PLPPR4: variants seen among roughly 807,000 people sequenced by gnomAD.
PLPPR4 encodes the protein phospholipid phosphatase-related protein type 4.
PLPPR4 carries 24 observed loss-of-function variants against 56.6 expected under a neutral mutation model. The ratio of observed to expected loss-of-function variants is 0.42; its 90% confidence interval spans 0.31 to 0.60. The LOEUF is 0.60. Among genes scored for constraint, PLPPR4 ranks in the 20% least tolerant of loss-of-function variants. The pLI, the probability that PLPPR4 is intolerant of heterozygous loss-of-function variation, is 0.13. For synonymous variants in PLPPR4, 326 were observed against 328.1 expected (o/e 0.99, Z 0.07); for missense variants, 654 against 885.8 (o/e 0.74, Z 3.32).
rs1381846249 is a variant in PLPPR4 at position 99,306,153 on chromosome 1, A to T, written c.1291A>T (p.Met431Leu). ...GCAGTCACCACCCAGATCCATAGAA[A>T]TGAGGTCAAGCTCAGAGCCATCGAG... is the stretch of plus-strand genomic sequence containing the variant. ...PGQSPPRSIE[M>L]RSSSEPSRVG... Residue 431 changes from methionine (M) to leucine (L), a missense_variant, in exon 7 of 7, where the codon ATG (methionine) becomes TTG (leucine). Physicochemically the swap from Met to Leu is conservative, Grantham distance 15 (BLOSUM62 2). Around this residue, in one of 2 missense-constraint regions of PLPPR4, gnomAD observed 468 missense variants for 554.3 expected, o/e 0.84. Coordinates refer to ENST00000370185, the MANE Select transcript of PLPPR4 (RefSeq NM_014839.5). The surrounding 1 kb of genome is among the most constrained non-coding windows in gnomAD (Gnocchi z 4.0). 1 of 1,614,142 alleles carries T rather than the reference A, an allele frequency of 6.2e-7. No individual in the cohort carries two copies. The highest frequency in any genetic ancestry group is 1.3e-5 in the African/African-American group (1 of 75,052).
At chr1:99,276,593 C>T (rs1659190707) in intron 1 of PLPPR4, among the ~76,000 whole-genome samples, 1 of 151,850 alleles carries the variant, frequency 6.6e-6, no homozygotes, top group Non-Finnish European at 1.5e-5. Context: ...AACTCAAATA[C>T]AAGGGGACTT....
intron 1 of PLPPR4, among the ~76,000 whole-genome samples, chr1:99,272,723 C>A (rs1659088198): frequency 6.6e-6 from 1 of 152,038 alleles, no homozygotes; most frequent in South Asian, 2.1e-4. Context: ...ACAGAGAGTA[C>A]AGGGAAGTAT....
rs1189717094 is a variant in PLPPR4, at chr1:99,307,622, T to C, written c.*612T>C. On this transcript the variant is annotated 3_prime_UTR_variant, in exon 7 of 7. Coordinates refer to ENST00000370185, the MANE Select transcript of PLPPR4 (RefSeq NM_014839.5). Reference sequence around the variant, plus strand: ...CACCCCGCAGCTTCTCTGTAGTGGCTCTGTCACAGTCAAAAAATGAAAAGG... The same window carrying C: ...CACCCCGCAGCTTCTCTGTAGTGGCCCTGTCACAGTCAAAAAATGAAAAGG... 2.0e-5 allele frequency: 3 copies of C among 152,250 alleles called. No homozygotes were observed. The highest frequency in any genetic ancestry group is 4.4e-5 in the Non-Finnish European group (3 of 68,050). 9.4% of individuals were successfully genotyped at this position (152,250 alleles called of 1,614,324 possible).
intron 1 of PLPPR4, among the ~76,000 whole-genome samples, chr1:99,279,221 A>T (rs954312778): frequency 1.3e-5 from 2 of 152,174 alleles, no homozygotes; most frequent in Admixed American, 6.5e-5. Flanking sequence ...AACAACTGCC[A>T]TCCCATATGA....
At chr1:99,301,027 TG>T (rs1393255507) in intron 5 of PLPPR4, 61 bp downstream of exon 5, 4 of 1,414,510 alleles carry the variant, frequency 2.8e-6, no homozygotes, top group African/African-American at 1.4e-5. Flanking sequence ...GAATGAATGT[TG>T]TCTCCAGGTG....
chr1:99,283,527 C>CT (rs1659382930), intron 1 of PLPPR4, among the ~76,000 whole-genome samples: 1 of 152,172 alleles, frequency 6.6e-6, no homozygotes, highest in African/African-American at 2.4e-5. Context: ...GCCCTGTTCT[C>CT]TAAAACAGTT....
Position 99,301,819 on chromosome 1 carries a change from A to C in PLPPR4, c.744A>C (p.Thr248=), listed in dbSNP as rs1271142128. The C allele has an allele frequency of 1.2e-6, 2 of 1,612,850 alleles. No homozygotes were observed. Among genetic ancestry groups the C allele is most frequent in the Admixed American group, 1.7e-5 (1 of 59,960 alleles). Reference sequence around the variant, plus strand: ...TCTGTGGAATAATCTGCGGGCTAACACGGATAACTCAGTATAAGAACCACC... The same window carrying C: ...TCTGTGGAATAATCTGCGGGCTAACCCGGATAACTCAGTATAAGAACCACC... ...FIICGIICGL[T]RITQYKNHPV... The change falls in exon 6 of 7, where the codon ACA becomes ACC. Residue 248 remains threonine, a synonymous_variant. Transcript: ENST00000370185.
At chr1:99,301,058 C>G in intron 5 of PLPPR4, 92 bp downstream of exon 5, 1 of 1,085,904 alleles carries the variant, frequency 9.2e-7, no homozygotes, top group South Asian at 1.3e-5. Context: ...ATGATATAAC[C>G]ATGTAATAAC....
intron 1 of PLPPR4, among the ~76,000 whole-genome samples, chr1:99,279,492 G>A (rs1659271190): frequency 6.6e-6 from 1 of 152,152 alleles, no homozygotes; most frequent in Non-Finnish European, 1.5e-5. Flanking sequence ...AAGGAATAAC[G>A]TTCAGGACCT....
intron 1 of PLPPR4, among the ~76,000 whole-genome samples, chr1:99,283,368 T>TA (rs1469425194): frequency 6.6e-6 from 1 of 152,210 alleles, no homozygotes; most frequent in African/African-American, 2.4e-5. Context: ...ACAAGTAAGC[T>TA]GTCTGATCTA....
At chr1:99,290,246 G>A (rs1216056715) in intron 2 of PLPPR4, among the ~76,000 whole-genome samples, 2 of 151,994 alleles carry the variant, frequency 1.3e-5, no homozygotes, top group Non-Finnish European at 2.9e-5. Context: ...AGAAGTGAAA[G>A]AGCTCTGCAA....
intron 1 of PLPPR4, among the ~76,000 whole-genome samples, chr1:99,283,432 T>C (rs1659380671): frequency 6.6e-6 from 1 of 152,208 alleles, no homozygotes; most frequent in South Asian, 2.1e-4. Context: ...GGATATATAA[T>C]CTAGATTTGT....
chr1:99,298,888 G>T (rs1193322816), intron 3 of PLPPR4, 147 bp from the exon 4 acceptor site: 6 of 717,090 alleles, frequency 8.4e-6, no homozygotes. Context: ...TAGAAGTTTA[G>T]GAATTTTCTA....
In PLPPR4 at chr1:99,270,353, T is replaced by C. The variant is rs1047043463; in HGVS notation, c.78+5682T>C. 4.6e-5 allele frequency among the ~76,000 whole-genome samples: 7 copies of C among 152,176 alleles called. No individual in the cohort carries two copies. The South Asian group carries it at 6.2e-4, about 13-fold the overall frequency. The stretch of plus-strand genomic sequence containing the variant: ...CTCAGAAAGTTTTCATTACTTTGAA[T>C]GTGTACTTAGCAGTAGATACGTTGC... On this transcript the variant is annotated intron_variant, in intron 1 of 6. Transcript: ENST00000370185.
Position 99,300,967 on chromosome 1 carries a change from G to A in PLPPR4, c.648+1G>A. On this transcript the variant is annotated splice_donor_variant, in intron 5 of 6. Coordinates refer to ENST00000370185, the MANE Select transcript of PLPPR4 (RefSeq NM_014839.5). LOFTEE classifies it high-confidence loss of function. ...TGCCTTTGCAGCTGTGTATGTTTCG[G>A]TAAGTAACTGGTTCTTTTTTGTTAA... The A allele has an allele frequency of 6.2e-7, 1 of 1,611,484 alleles. No individual in the cohort carries two copies. The highest frequency in any genetic ancestry group is 8.5e-7 in the Non-Finnish European group (1 of 1,178,030).
intron 1 of PLPPR4, among the ~76,000 whole-genome samples, chr1:99,280,439 T>G (rs1659295353): frequency 6.6e-6 from 1 of 152,216 alleles, no homozygotes; most frequent in African/African-American, 2.4e-5. Flanking sequence ...TTTTGTTCCT[T>G]TAATCATAAT....
intron 1 of PLPPR4, among the ~76,000 whole-genome samples, chr1:99,270,176 C>A (rs115232335): frequency 0.028 from 4,184 of 152,018 alleles, 152 homozygotes; most frequent in East Asian, 0.17. Context: ...AGGCATGCAC[C>A]ACCACACCCA....
At position 99,296,647 on chromosome 1, in the gene PLPPR4, A is replaced by G. The variant is rs1403385099; in HGVS notation, c.265-91A>G. 3.9e-6 allele frequency: 4 copies of G among 1,016,662 alleles called. No homozygotes were observed. In the African/African-American group the frequency reaches 6.6e-5, roughly 17 times the overall value. The allele number at this position is 1,016,662 out of a possible 1,614,324, so 63.0% of individuals were successfully genotyped here. A position where few individuals can be genotyped will look rare whatever the true frequency, so the allele number is the denominator to read the frequency against. On this transcript the variant is annotated intron_variant, in intron 2 of 6. Coordinates refer to ENST00000370185, the MANE Select transcript of PLPPR4 (RefSeq NM_014839.5). ...TACATCTTTACTTTATTGAATTGAT[A>G]TGTTAAAAAGTGATATATAATTCCT...
Position 99,286,174 on chromosome 1 carries a change from C to A in PLPPR4, c.79-1791C>A, listed in dbSNP as rs72980826. ...AATAACTTTTAGTGTGAGTATCTCT[C>A]AAATATTGCATGGGGTATACTTACA... On this transcript the variant is annotated intron_variant, in intron 1 of 6. Transcript: ENST00000370185. 1.7e-3 allele frequency among the ~76,000 whole-genome samples: 255 copies of A among 152,260 alleles called. 1 individual carries two copies. Among genetic ancestry groups the A allele is most frequent in the African/African-American group, 5.9e-3 (244 of 41,558 alleles).
Sources: gnomAD v4.1 joint callset for allele counts (sites outside exome capture counted in the v4.1 genomes callset) on GRCh38, gnomAD v4.1.1 for gene constraint, gnomAD v4.1.1 regional missense constraint, Gnocchi (gnomAD v3.1) non-coding constraint, MANE v1.5 for transcripts, NCBI Gene and HGNC (gene_info 2026-07-23, HGNC 2026-07-21) for gene names.